SUGCT: variants seen among roughly 807,000 people sequenced by gnomAD.
The protein encoded by SUGCT is succinyl-CoA:glutarate-CoA transferase.
A neutral mutation model predicts 55.0 loss-of-function variants in SUGCT; 41 were observed. The ratio of observed to expected loss-of-function variants is 0.74; its 90% CI spans 0.58 to 0.97. SUGCT has a LOEUF of 0.97. SUGCT is among the 50% of genes least tolerant of loss of function. The probability of loss-of-function intolerance (pLI) is 0.00; values close to 1 mark genes in which losing one functional copy is unlikely to be tolerated. For synonymous variants in SUGCT, 187 were observed against 200.4 expected, an observed-to-expected ratio of 0.93 and a Z score of 0.56; for missense variants, 568 against 547.8, an observed-to-expected ratio of 1.04 and a Z score of -0.37.
intron 13 of SUGCT, among the ~76,000 whole-genome samples, chr7:40,772,656 G>A (rs889483950): frequency 7.4e-6 from 1 of 135,456 alleles, no homozygotes; most frequent in Non-Finnish European, 1.6e-5. Context: ...TTGAGACAGG[G>A]TCTCACTCTG....
chr7:40,735,807 T>C (rs1238567368), intron 12 of SUGCT, among the ~76,000 whole-genome samples: 1 of 152,096 alleles, frequency 6.6e-6, no homozygotes, highest in Non-Finnish European at 1.5e-5. Flanking sequence ...TTCTTGAAAA[T>C]CTCTCATTTT....
At chr7:40,756,271 AT>A (rs1788248254) in intron 13 of SUGCT, among the ~76,000 whole-genome samples, 1 of 152,176 alleles carries the variant, frequency 6.6e-6, no homozygotes, top group Admixed American at 6.5e-5. Flanking sequence ...CATTTTCTGG[AT>A]GATGATTACA....
chr7:40,669,329 C>G (rs1801813085), intron 12 of SUGCT, among the ~76,000 whole-genome samples: 1 of 141,156 alleles, frequency 7.1e-6, no homozygotes, highest in Non-Finnish European at 1.5e-5. Context: ...AACATAATAC[C>G]CAAATTGTGT....
intron 12 of SUGCT, among the ~76,000 whole-genome samples, chr7:40,585,069 G>A (rs1797304384): frequency 6.6e-6 from 1 of 152,138 alleles, no homozygotes. Flanking sequence ...AGATGAAATT[G>A]GAATGATCCC....
chr7:40,497,629 A>G (rs946620371), intron 12 of SUGCT, among the ~76,000 whole-genome samples: 2 of 152,314 alleles, frequency 1.3e-5, no homozygotes, highest in East Asian at 1.9e-4. Flanking sequence ...TACTCTGAAT[A>G]TAGTAGACCA....
At chr7:40,963,547 T>G in the SUGCT span, among the ~76,000 whole-genome samples, 18 of 152,330 alleles carry the variant, frequency 1.2e-4, no homozygotes, top group East Asian at 3.5e-3. Context: ...GGAAGAATGT[T>G]TTTGTGTTTC....
chr7:40,839,810 T>G (rs1045794897), intron 13 of SUGCT, among the ~76,000 whole-genome samples: 7 of 152,202 alleles, frequency 4.6e-5, no homozygotes, highest in Admixed American at 6.5e-5. Flanking sequence ...AAACAGAACA[T>G]TCAATAAACA....
At chr7:40,897,310 T>C in the SUGCT span, among the ~76,000 whole-genome samples, 1 of 152,202 alleles carries the variant, frequency 6.6e-6, no homozygotes, top group African/African-American at 2.4e-5. Context: ...TTTTTGGATA[T>C]GACCCCAAAA....
chr7:40,459,005 C>A, intron 10 of SUGCT, 96 bp from the exon 11 acceptor site: 2 of 733,456 alleles, frequency 2.7e-6, no homozygotes, highest in South Asian at 1.6e-5. Flanking sequence ...AAGGAATGTT[C>A]TTGAGAAGGG....
At chr7:40,256,780 G>T (rs1584482047) in intron 7 of SUGCT, among the ~76,000 whole-genome samples, 1 of 152,052 alleles carries the variant, frequency 6.6e-6, no homozygotes, top group Non-Finnish European at 1.5e-5. Flanking sequence ...GTCTCACTCT[G>T]TCACCCAGGC....
chr7:40,988,370 C>T, the SUGCT span, among the ~76,000 whole-genome samples: 2 of 151,174 alleles, frequency 1.3e-5, no homozygotes, highest in Admixed American at 6.6e-5. Flanking sequence ...CTTGACTTAT[C>T]CCTCCTCTCC....
At chr7:40,377,898 G>A (rs1018330429) in intron 9 of SUGCT, among the ~76,000 whole-genome samples, 1 of 152,156 alleles carries the variant, frequency 6.6e-6, no homozygotes, top group Non-Finnish European at 1.5e-5. Flanking sequence ...CAGCACTTTA[G>A]ATATAATATG....
At chr7:40,367,621 G>T (rs1297990928) in intron 9 of SUGCT, among the ~76,000 whole-genome samples, 3 of 151,928 alleles carry the variant, frequency 2.0e-5, no homozygotes, top group Admixed American at 6.6e-5. Flanking sequence ...GAAATAGTAG[G>T]TAAGAGCAAA....
chr7:40,730,005 T>G (rs1163223993), intron 12 of SUGCT, among the ~76,000 whole-genome samples: 2 of 152,198 alleles, frequency 1.3e-5, no homozygotes, highest in Non-Finnish European at 2.9e-5. Context: ...ACGGTGCCCT[T>G]GGGCTGCTTG....
the SUGCT span, among the ~76,000 whole-genome samples, chr7:40,925,676 C>T: frequency 5.2e-3 from 791 of 152,130 alleles, 6 homozygotes; most frequent in African/African-American, 0.018. Flanking sequence ...GAACCGGATA[C>T]CAAGATAAGA....
chr7:40,239,636 C>T (rs1219787996), intron 7 of SUGCT, among the ~76,000 whole-genome samples: 1 of 152,162 alleles, frequency 6.6e-6, no homozygotes, highest in Non-Finnish European at 1.5e-5. Flanking sequence ...TCCTTTAGTA[C>T]ATTGCACTGT....
At chr7:40,587,323 C>A (rs1399782166) in intron 12 of SUGCT, among the ~76,000 whole-genome samples, 1 of 152,118 alleles carries the variant, frequency 6.6e-6, no homozygotes, top group Non-Finnish European at 1.5e-5. Context: ...GAATGATAAA[C>A]AAAGACAGAC....
chr7:40,488,156 T>C (rs1358238751), intron 11 of SUGCT, among the ~76,000 whole-genome samples: 2 of 151,192 alleles, frequency 1.3e-5, no homozygotes. Flanking sequence ...CTTGCTGTCT[T>C]CCTTTGTGGT....
intron 12 of SUGCT, among the ~76,000 whole-genome samples, chr7:40,634,469 A>G (rs1799934365): frequency 6.6e-6 from 1 of 152,220 alleles, no homozygotes. Context: ...AGGAACTGGA[A>G]CTATGATTTC....
Sources: gnomAD v4.1 joint callset for allele counts (sites outside exome capture counted in the v4.1 genomes callset) on GRCh38, gnomAD v4.1.1 for gene constraint, MANE v1.5 for transcripts, NCBI Gene and HGNC (gene_info 2026-07-23, HGNC 2026-07-21) for gene names.